KDM4C: variants seen among roughly 807,000 people sequenced by gnomAD.
KDM4C encodes the protein lysine demethylase 4C.
KDM4C carries 81 observed loss-of-function variants against 129.3 expected under a neutral mutation model. That is an observed-to-expected ratio of 0.63 (90% confidence interval 0.52 to 0.75). The LOEUF (loss-of-function observed/expected upper bound fraction) is 0.75, where lower values mean the gene tolerates loss of function less well. KDM4C is among the 30% of genes least tolerant of loss of function. KDM4C has a pLI of 0.00. For missense variants in KDM4C, 1,457 were observed against 1,304.0 expected (o/e 1.12, Z -1.81); for synonymous variants, 573 against 456.1 (o/e 1.26, Z -3.26).
chr9:7,041,701 A>G (rs1267359938), intron 15 of KDM4C, among the ~76,000 whole-genome samples: 1 of 151,820 alleles, frequency 6.6e-6, no homozygotes. Context: ...TTTATATTTG[A>G]GCTGGGCATG....
chr9:6,949,526 G>A (rs1296484633), intron 8 of KDM4C, among the ~76,000 whole-genome samples: 6 of 152,190 alleles, frequency 3.9e-5, no homozygotes, highest in African/African-American at 1.2e-4. Flanking sequence ...CCAAGATCAC[G>A]CCACTGCCCT....
At chr9:6,873,105 C>A (rs1232970197) in intron 5 of KDM4C, among the ~76,000 whole-genome samples, 1 of 152,098 alleles carries the variant, frequency 6.6e-6, no homozygotes, top group South Asian at 2.1e-4. Flanking sequence ...TCAAGTGATT[C>A]CCCTGCCCAG....
chr9:6,915,223 A>G (rs1820087240), intron 8 of KDM4C, among the ~76,000 whole-genome samples: 1 of 152,254 alleles, frequency 6.6e-6, no homozygotes, highest in African/African-American at 2.4e-5. Flanking sequence ...ATATGCAAGA[A>G]GCACGTGATC....
At chr9:6,990,815 T>C (rs1333595935) in intron 12 of KDM4C, among the ~76,000 whole-genome samples, 1 of 152,198 alleles carries the variant, frequency 6.6e-6, no homozygotes, top group Non-Finnish European at 1.5e-5. Flanking sequence ...AAGCTGAGAC[T>C]CATTTCTCTA....
At chr9:6,730,425 C>G (rs1374768900) in intron 1 of KDM4C, among the ~76,000 whole-genome samples, 2 of 151,806 alleles carry the variant, frequency 1.3e-5, no homozygotes, top group Non-Finnish European at 2.9e-5. Context: ...ACCATCCTGG[C>G]TAACATGGTG....
intron 19 of KDM4C, among the ~76,000 whole-genome samples, chr9:7,158,586 A>T (rs941141267): frequency 1.3e-5 from 2 of 152,078 alleles, no homozygotes; most frequent in Admixed American, 6.5e-5. Flanking sequence ...GTCTGCCTTC[A>T]TTTCGTTGTT....
chr9:6,883,714 G>C (rs1844826081), intron 6 of KDM4C, among the ~76,000 whole-genome samples: 1 of 152,130 alleles, frequency 6.6e-6, no homozygotes, highest in Admixed American at 6.5e-5. Flanking sequence ...AGGAATTATG[G>C]GGAAGTGAAG....
chr9:7,134,675 A>G (rs143128152), intron 19 of KDM4C, among the ~76,000 whole-genome samples: 162 of 152,344 alleles, frequency 1.1e-3, no homozygotes, highest in African/African-American at 3.7e-3. Flanking sequence ...CACAATTTAC[A>G]TAAGATCGAT....
At chr9:7,162,315 C>T (rs1161476709) in intron 19 of KDM4C, among the ~76,000 whole-genome samples, 4 of 152,144 alleles carry the variant, frequency 2.6e-5, no homozygotes, top group Admixed American at 1.3e-4. Flanking sequence ...TGAATTTTAT[C>T]TTTGTGGCTG....
At chr9:6,976,236 G>A (rs1832890641) in intron 8 of KDM4C, among the ~76,000 whole-genome samples, 1 of 152,150 alleles carries the variant, frequency 6.6e-6, no homozygotes. Context: ...GGTTAAATAA[G>A]AGGTTACTTT....
In KDM4C at chr9:6,866,184, C is replaced by CT. The variant is rs1033264369; in HGVS notation, c.630-13816dup. Reference sequence around the variant, plus strand: ...ACAGGCATGAGCCACTGCACCCATCCTTTTTTTTTTTTGGTTACTATTAAA... The same window carrying CT: ...ACAGGCATGAGCCACTGCACCCATCCTTTTTTTTTTTTTGGTTACTATTAAA... On this transcript the variant is annotated intron_variant, in intron 5 of 21. Transcript: ENST00000381309. Among the ~76,000 whole-genome samples the CT allele has an allele frequency of 3.6e-3, 520 of 145,080 alleles. 6 individuals are homozygous for CT. Among genetic ancestry groups the CT allele is most frequent in the African/African-American group, 0.011 (428 of 39,804 alleles).
In KDM4C at chr9:6,981,287, A is replaced by G. The variant is rs149794030; in HGVS notation, c.1115+169A>G. 4.9e-3 allele frequency among the ~76,000 whole-genome samples: 749 copies of G among 152,342 alleles called. 8 individuals carry two copies. The highest frequency in any genetic ancestry group is 0.015 in the African/African-American group (637 of 41,574). On this transcript the variant is annotated intron_variant, in intron 9 of 21. Coordinates refer to ENST00000381309, the MANE Select transcript of KDM4C (RefSeq NM_015061.6). ...AATTCTTAGGTGTGTAATAAATACA[A>G]TATAGGAAGAGATGTATATTTATTT...
chr9:6,869,528 C>T (rs1842546516), intron 5 of KDM4C, among the ~76,000 whole-genome samples: 1 of 152,192 alleles, frequency 6.6e-6, no homozygotes, highest in African/African-American at 2.4e-5. Context: ...AATAATACTG[C>T]TCACAGTGGG....
chr9:7,131,993 G>T (rs947976920), intron 19 of KDM4C, among the ~76,000 whole-genome samples: 1 of 152,302 alleles, frequency 6.6e-6, no homozygotes, highest in South Asian at 2.1e-4. Context: ...CCACTGGGAA[G>T]AATTATTCAT....
rs558338744 is a variant in KDM4C, at chr9:6,775,900, A to G, written c.-17-17072A>G. On this transcript the variant is annotated intron_variant, in intron 1 of 21. Transcript: ENST00000381309. ...TGTTGTGGGGACTTTTTTATGTTTA[A>G]CAGCATCTACCCATTAGATGCAACT... is the stretch of plus-strand genomic sequence containing the variant. 2.0e-4 allele frequency among the ~76,000 whole-genome samples: 31 copies of G among 152,246 alleles called. No individual in the cohort carries two copies. The South Asian group carries it at 5.0e-3, about 24-fold the overall frequency.
chr9:7,088,196 G>C (rs1330481037), intron 17 of KDM4C, among the ~76,000 whole-genome samples: 1 of 152,160 alleles, frequency 6.6e-6, no homozygotes, highest in African/African-American at 2.4e-5. Context: ...GCCCTGCTTT[G>C]TCTGCCTCGG....
At chr9:6,756,731 C>G (rs1300502247), upstream of KDM4C, among the ~76,000 whole-genome samples, 3 of 152,256 alleles carry the variant, frequency 2.0e-5, no homozygotes, top group Admixed American at 1.3e-4. Context: ...AAGAGTGTGT[C>G]TGTGTGTGTA....
intron 19 of KDM4C, among the ~76,000 whole-genome samples, chr9:7,163,336 C>T (rs1380140840): frequency 6.6e-6 from 1 of 152,168 alleles, no homozygotes; most frequent in African/African-American, 2.4e-5. Context: ...ATGTATCCCA[C>T]AGGGTCCCTG....
intron 8 of KDM4C, chr9:6,925,523 TG>T (rs1384521195): frequency 2.1e-5 from 19 of 889,178 alleles, no homozygotes; most frequent in Non-Finnish European, 2.5e-5. Context: ...TTCAATCTCC[TG>T]GCATCAAGCA....
Sources: allele counts gnomAD v4.1 joint callset (sites outside exome capture counted in the v4.1 genomes callset), GRCh38; gene constraint gnomAD v4.1.1; transcripts MANE v1.5; gene names NCBI Gene and HGNC (gene_info 2026-07-23, HGNC 2026-07-21).